Variants in GALC observed in about 807,000 individuals in gnomAD.
GALC encodes galactosylceramidase, also known as galactocerebrosidase.
GALC carries 77 observed loss-of-function variants against 91.8 expected under a neutral mutation model. That is an observed-to-expected ratio of 0.84 (90% CI 0.70 to 1.01). The LOEUF is 1.01. Among genes scored for constraint, GALC ranks in the 50% least tolerant of loss-of-function variants. The probability of loss-of-function intolerance (pLI) is 0.00; values close to 1 mark genes in which losing one functional copy is unlikely to be tolerated. For synonymous variants in GALC, 357 were observed against 306.7 expected (o/e 1.16, Z -1.71); for missense variants, 882 against 855.9 (o/e 1.03, Z -0.38).
intron 15 of GALC, 105 bp from the exon 16 acceptor site, chr14:87,940,086 C>A: frequency 1.1e-6 from 1 of 872,006 alleles, no homozygotes; most frequent in South Asian, 1.3e-5. Flanking sequence ...GTAGTAAAGT[C>A]AGCCTCAACA....
intron 10 of GALC, among the ~76,000 whole-genome samples, chr14:87,951,165 GGT>G: frequency 6.6e-6 from 1 of 151,310 alleles, no homozygotes; most frequent in Non-Finnish European, 1.5e-5. Flanking sequence ...TATATGTATG[GGT>G]GTGTGTATAT....
intron 7 of GALC, among the ~76,000 whole-genome samples, chr14:87,973,399 C>T (rs901686558): frequency 1.3e-4 from 20 of 152,132 alleles, no homozygotes; most frequent in Admixed American, 1.1e-3. Flanking sequence ...AACTATTACA[C>T]ACTTGGCTAA....
chr14:87,964,933 C>T (rs1309332035), intron 9 of GALC, among the ~76,000 whole-genome samples: 1 of 152,140 alleles, frequency 6.6e-6, no homozygotes, highest in South Asian at 2.1e-4. Flanking sequence ...ATCTTTTGAG[C>T]TTTACATTGT....
chr14:87,970,593 G>C (rs959287819), intron 7 of GALC, among the ~76,000 whole-genome samples: 2 of 151,794 alleles, frequency 1.3e-5, no homozygotes, highest in African/African-American at 4.8e-5. Context: ...AAATGTAAAG[G>C]CTCTTTAAGA....
chr14:87,991,065 G>A (rs1230734843), intron 1 of GALC, among the ~76,000 whole-genome samples: 1 of 152,212 alleles, frequency 6.6e-6, no homozygotes, highest in African/African-American at 2.4e-5. Context: ...AAAAGAAAGT[G>A]AGGCAGAGAG....
intron 4 of GALC, 33 bp downstream of exon 4, chr14:87,986,456 G>T: frequency 3.9e-6 from 5 of 1,290,036 alleles, no homozygotes; most frequent in South Asian, 2.4e-5. Context: ...AAGGAAAAGA[G>T]ACTGAAGAAA....
intron 10 of GALC, among the ~76,000 whole-genome samples, chr14:87,960,490 G>A (rs1183643651): frequency 6.6e-6 from 1 of 152,112 alleles, no homozygotes; most frequent in Non-Finnish European, 1.5e-5. Flanking sequence ...CCACATGTAT[G>A]TATCAAAACA....
intron 7 of GALC, 122 bp from the exon 8 acceptor site, chr14:87,968,612 T>C: frequency 1.1e-6 from 1 of 925,652 alleles, no homozygotes; most frequent in Admixed American, 2.1e-5. Context: ...TTAAAACAGT[T>C]GGGTAGCTTC....
intron 10 of GALC, among the ~76,000 whole-genome samples, chr14:87,957,019 T>A (rs758040189): frequency 3.3e-5 from 5 of 152,160 alleles, no homozygotes; most frequent in African/African-American, 4.8e-5. Context: ...TGATTAGTGA[T>A]GTTGAGCATT....
chr14:87,945,816 AC>A, intron 13 of GALC, 83 bp from the exon 14 acceptor site: 1 of 1,031,430 alleles, frequency 9.7e-7, no homozygotes, highest in Middle Eastern at 3.1e-4. Context: ...TATGTCTGAA[AC>A]ACTTCTGAAA....
At chr14:87,951,179 T>C (rs937002365) in intron 10 of GALC, among the ~76,000 whole-genome samples, 2 of 151,802 alleles carry the variant, frequency 1.3e-5, no homozygotes, top group Non-Finnish European at 2.9e-5. Context: ...TGTGTATATA[T>C]AGTATATATA....
At chr14:87,977,608 C>T (rs1397085362) in intron 6 of GALC, among the ~76,000 whole-genome samples, 1 of 152,164 alleles carries the variant, frequency 6.6e-6, no homozygotes, top group African/African-American at 2.4e-5. Flanking sequence ...CAAATAAGCC[C>T]ACTACTATAG....
intron 6 of GALC, 72 bp from the exon 7 acceptor site, chr14:87,976,560 T>C (rs1326393994): frequency 1.7e-6 from 2 of 1,194,956 alleles, no homozygotes; most frequent in Non-Finnish European, 2.5e-6. Context: ...ATGACCAAGA[T>C]AGATAAAGTT....
rs11300320 is a variant in GALC, at chr14:87,950,751, GAA to G, written c.1162-5_1162-4del. On this transcript the variant is annotated splice_polypyrimidine_tract_variant and splice_region_variant and intron_variant, in intron 10 of 16. Coordinates refer to ENST00000261304, the MANE Select transcript of GALC (RefSeq NM_000153.4). ...ATGCACTTAGAATGTTTATGACTCT[GAA>G]AAAAAAAAATCACATACATTATCCA... The G allele has an allele frequency of 7.5e-4, 961 of 1,277,986 alleles. No individual in the cohort carries two copies. Among genetic ancestry groups the G allele is most frequent in the Non-Finnish European group, 8.8e-4 (799 of 905,164 alleles). 79.2% of individuals were successfully genotyped at this position (1,277,986 alleles called of 1,614,324 possible). A position where few individuals can be genotyped will look rare whatever the true frequency, so the allele number is the denominator to read the frequency against.
intron 4 of GALC, among the ~76,000 whole-genome samples, chr14:87,985,726 G>A (rs1886941457): frequency 6.6e-6 from 1 of 152,096 alleles, no homozygotes; most frequent in Admixed American, 6.5e-5. Context: ...TTGAATTTAA[G>A]CCTGTTTCAA....
chr14:87,954,490 T>C, intron 10 of GALC: 1 of 1,570,120 alleles, frequency 6.4e-7, no homozygotes, highest in Non-Finnish European at 8.7e-7. Flanking sequence ...TTCAGCGCAA[T>C]TACACACTAG....
intron 10 of GALC, among the ~76,000 whole-genome samples, chr14:87,958,075 A>C (rs891257103): frequency 6.6e-6 from 1 of 152,160 alleles, no homozygotes. Context: ...AAAAAGAACA[A>C]TCTGGAGGTA....
Position 87,965,422 on chromosome 14 carries a change from G to C in GALC, c.1033+83C>G. The C allele has an allele frequency of 2.8e-6, 4 of 1,428,628 alleles. No individual in the cohort carries two copies. The South Asian group carries it at 4.6e-5, about 16-fold the overall frequency. The allele number at this position is 1,428,628 out of a possible 1,614,324, so 88.5% of individuals were successfully genotyped here. A position where few individuals can be genotyped will look rare whatever the true frequency, so the allele number is the denominator to read the frequency against. On this transcript the variant is annotated intron_variant, in intron 9 of 16. Coordinates refer to ENST00000261304, the MANE Select transcript of GALC (RefSeq NM_000153.4). Reference sequence around the variant, plus strand: ...TACTTAAAACACGCATAGACACACAGTTTATATAATCTTCTCTAAGTTTTT... The same window carrying C: ...TACTTAAAACACGCATAGACACACACTTTATATAATCTTCTCTAAGTTTTT...
At chr14:87,952,793 T>C in intron 10 of GALC, 3 of 1,498,938 alleles carry the variant, frequency 2.0e-6, no homozygotes, top group Non-Finnish European at 2.8e-6. Flanking sequence ...AAACACAGAA[T>C]ATAGAATCCC....
Sources: allele counts gnomAD v4.1 joint callset (sites outside exome capture counted in the v4.1 genomes callset), GRCh38; gene constraint gnomAD v4.1.1; transcripts MANE v1.5; gene names NCBI Gene and HGNC (gene_info 2026-07-23, HGNC 2026-07-21).